Variants in PARD3 observed in about 807,000 individuals in gnomAD.
The protein encoded by PARD3 is partitioning defective 3 homolog.
Under a neutral mutation model 155.4 loss-of-function variants are expected in PARD3, and 75 were observed. That is an observed-to-expected ratio of 0.48 (90% CI 0.40 to 0.58). PARD3 has a LOEUF of 0.58. PARD3 is among the 20% of genes least tolerant of loss of function. The pLI is 0.00. For synonymous variants in PARD3, 576 were observed against 610.5 expected, an observed-to-expected ratio of 0.94 and a Z score of 0.83; for missense variants, 1,642 against 1,721.7, an observed-to-expected ratio of 0.95 and a Z score of 0.82.
intron 2 of PARD3, among the ~76,000 whole-genome samples, chr10:34,671,069 C>T (rs1283045648): frequency 6.6e-6 from 1 of 152,196 alleles, no homozygotes; most frequent in African/African-American, 2.4e-5. Context: ...TCAATGGCTG[C>T]TCTTGCAAAA....
intron 22 of PARD3, among the ~76,000 whole-genome samples, chr10:34,260,675 C>T (rs2133801799): frequency 6.6e-6 from 1 of 152,270 alleles, no homozygotes; most frequent in African/African-American, 2.4e-5. Flanking sequence ...CACCAACTTG[C>T]AGAACTCACA....
At chr10:34,687,693 G>C (rs2093973969) in intron 2 of PARD3, among the ~76,000 whole-genome samples, 1 of 151,974 alleles carries the variant, frequency 6.6e-6, no homozygotes, top group South Asian at 2.1e-4. Context: ...GGAAGTGCTT[G>C]ATATTACATC....
intron 2 of PARD3, among the ~76,000 whole-genome samples, chr10:34,666,425 T>C (rs1335822426): frequency 6.6e-6 from 1 of 152,086 alleles, no homozygotes; most frequent in Non-Finnish European, 1.5e-5. Flanking sequence ...TCCATGCTCC[T>C]TGACAAAGCT....
intron 3 of PARD3, among the ~76,000 whole-genome samples, chr10:34,514,910 AC>A (rs1430486897): frequency 6.6e-6 from 1 of 152,204 alleles, no homozygotes; most frequent in East Asian, 1.9e-4. Context: ...TATTAAAGCT[AC>A]AAATTGCTTT....
intron 22 of PARD3, among the ~76,000 whole-genome samples, chr10:34,139,471 C>A (rs546839473): frequency 6.6e-6 from 1 of 152,136 alleles, no homozygotes; most frequent in East Asian, 1.9e-4. Flanking sequence ...TTTTTCCTTC[C>A]TTGCCCAATT....
At chr10:34,472,845 A>G (rs969907521) in intron 3 of PARD3, among the ~76,000 whole-genome samples, 16 of 152,218 alleles carry the variant, frequency 1.1e-4, no homozygotes, top group Non-Finnish European at 1.8e-4. Context: ...TGTGTTTGAA[A>G]TTTTCCTCAG....
chr10:34,447,123 A>G (rs2076778945), intron 5 of PARD3, among the ~76,000 whole-genome samples: 2 of 152,142 alleles, frequency 1.3e-5, no homozygotes, highest in South Asian at 4.1e-4. Flanking sequence ...ACTCATCACC[A>G]GGGAAATGTA....
intron 2 of PARD3, among the ~76,000 whole-genome samples, chr10:34,599,037 C>G (rs1480723781): frequency 1.3e-5 from 2 of 152,086 alleles, no homozygotes; most frequent in Admixed American, 6.6e-5. Context: ...CTAAACTGAC[C>G]CAATCAACAC....
chr10:34,540,956 T>C (rs1435474841), intron 2 of PARD3, among the ~76,000 whole-genome samples: 1 of 152,226 alleles, frequency 6.6e-6, no homozygotes, highest in Non-Finnish European at 1.5e-5. Flanking sequence ...ACATCAAGCT[T>C]AAGTATATAG....
chr10:34,601,082 ATTACAGGCGTGAGCCATTGTGCC>A (rs1444610591), intron 2 of PARD3, among the ~76,000 whole-genome samples: 2 of 140,180 alleles, frequency 1.4e-5, no homozygotes, highest in Non-Finnish European at 3.0e-5. Flanking sequence ...AAGTGCACGC[ATTACAGGCGTGAGCCATTGTGCC>A]AAGCCTAAAT....
intron 22 of PARD3, among the ~76,000 whole-genome samples, chr10:34,176,605 C>T (rs1171750834): frequency 6.6e-6 from 1 of 152,196 alleles, no homozygotes; most frequent in Non-Finnish European, 1.5e-5. Flanking sequence ...GTACCGTTCC[C>T]TATAATCTCC....
chr10:34,805,964 G>A (rs946585683), intron 1 of PARD3, among the ~76,000 whole-genome samples: 13 of 151,774 alleles, frequency 8.6e-5, no homozygotes, highest in East Asian at 3.9e-4. Flanking sequence ...GCGACAGAGC[G>A]AGACTCCGTC....
chr10:34,261,885 C>A (rs1332143696), intron 22 of PARD3, among the ~76,000 whole-genome samples: 2 of 152,046 alleles, frequency 1.3e-5, no homozygotes, highest in African/African-American at 4.8e-5. Context: ...GAATATGACA[C>A]CTGCAAGATG....
intron 10 of PARD3, 51 bp from the exon 11 acceptor site, chr10:34,375,053 AACACACACACACACACAC>A (rs35263377): frequency 7.7e-5 from 60 of 783,626 alleles, no homozygotes; most frequent in South Asian, 5.2e-4. Flanking sequence ...ACAACAGGAA[AACACACACACACACACAC>A]ACACACACAC....
intron 23 of PARD3, among the ~76,000 whole-genome samples, chr10:34,124,097 A>T (rs1947152825): frequency 6.6e-6 from 1 of 152,244 alleles, no homozygotes; most frequent in Admixed American, 6.5e-5. Context: ...ATCCACACAC[A>T]TATGTAATAT....
At chr10:34,466,303 C>G (rs1243309818) in intron 4 of PARD3, among the ~76,000 whole-genome samples, 1 of 152,152 alleles carries the variant, frequency 6.6e-6, no homozygotes, top group Non-Finnish European at 1.5e-5. Context: ...TCTGTACACT[C>G]TGCCCACTAA....
intron 2 of PARD3, among the ~76,000 whole-genome samples, chr10:34,589,685 C>A: frequency 9.0e-6 from 1 of 111,058 alleles, no homozygotes; most frequent in African/African-American, 3.5e-5. Flanking sequence ...ATAGTTTCTT[C>A]CTTTTTTGGA....
intron 5 of PARD3, among the ~76,000 whole-genome samples, chr10:34,439,447 A>T (rs985483956): frequency 1.3e-5 from 2 of 151,838 alleles, no homozygotes; most frequent in African/African-American, 4.8e-5. Context: ...ATTAAAAATA[A>T]AAACATTTTT....
chr10:34,588,679 T>C (rs1030895663), intron 2 of PARD3, among the ~76,000 whole-genome samples: 4 of 152,172 alleles, frequency 2.6e-5, no homozygotes, highest in African/African-American at 4.8e-5. Flanking sequence ...TCTCACTTTC[T>C]CTTGCTGCAA....
Sources: gnomAD v4.1 joint callset for allele counts (sites outside exome capture counted in the v4.1 genomes callset) on GRCh38, gnomAD v4.1.1 for gene constraint, MANE v1.5 for transcripts, NCBI Gene and HGNC (gene_info 2026-07-23, HGNC 2026-07-21) for gene names.